The following GEM variants were observed in gnomAD, a reference collection of about 807,000 sequenced individuals.
GEM encodes GTP binding protein overexpressed in skeletal muscle, also known as GTP-binding protein GEM.
GEM carries 31 observed loss-of-function variants against 33.0 expected under a neutral mutation model. The observed-to-expected ratio is 0.94, with a 90% confidence interval of 0.71 to 1.27. The LOEUF (loss-of-function observed/expected upper bound fraction) is 1.27, where lower values mean the gene tolerates loss of function less well. GEM is among the 50% of genes most tolerant of loss of function. The probability of loss-of-function intolerance (pLI) is 0.00; values close to 1 mark genes in which losing one functional copy is unlikely to be tolerated. For missense variants in GEM, 354 were observed against 390.5 expected (o/e 0.91, Z 0.79); for synonymous variants, 141 against 143.7 (o/e 0.98, Z 0.13).
intron 2 of GEM, 106 bp from the exon 3 acceptor site, chr8:94,253,218 C>T: frequency 1.4e-6 from 1 of 690,850 alleles, no homozygotes; most frequent in South Asian, 1.7e-5. Flanking sequence ...ACTAAATATG[C>T]AATTAATTAT....
At chr8:94,261,784 G>A (rs547106277) in intron 1 of GEM, among the ~76,000 whole-genome samples, 2 of 152,020 alleles carry the variant, frequency 1.3e-5, no homozygotes, top group Admixed American at 1.3e-4. Flanking sequence ...CCGGCTACTG[G>A]TGATAAAGTA....
In GEM at chr8:94,260,183, C is replaced by T. The variant is rs201792479; in HGVS notation, c.321G>A (p.Glu107=). Residue 107 remains glutamate (E), a synonymous_variant, in exon 2 of 5, where the codon GAG becomes GAA. Coordinates refer to ENST00000297596, the MANE Select transcript of GEM (RefSeq NM_005261.4). The stretch of plus-strand genomic sequence containing the variant: ...GGCTGGGACACCTACCTCCCAGCAC[C>T]TCGCAGTCGCTGTCCATGCTGTCAT... ...GVHDSMDSDC[E]VLGEDTYERT... The T allele has an allele frequency of 9.4e-6, 15 of 1,587,446 alleles. No individual in the cohort carries two copies. The Admixed American group carries it at 1.0e-4, about 11-fold the overall frequency.
chr8:94,256,166 C>A (rs1335930518), intron 2 of GEM, among the ~76,000 whole-genome samples: 3 of 152,190 alleles, frequency 2.0e-5, no homozygotes, highest in Non-Finnish European at 4.4e-5. Context: ...ATCCCCCTAA[C>A]CTTGACGTCT....
chr8:94,261,080 C>T (rs551417537), intron 1 of GEM, among the ~76,000 whole-genome samples: 2 of 152,300 alleles, frequency 1.3e-5, no homozygotes, highest in South Asian at 2.1e-4. Context: ...ATTGGAACTT[C>T]CATGTTTAGT....
At chr8:94,261,056 C>G (rs1006743579) in intron 1 of GEM, among the ~76,000 whole-genome samples, 1 of 152,218 alleles carries the variant, frequency 6.6e-6, no homozygotes, top group Non-Finnish European at 1.5e-5. Context: ...CCTGGCTGGA[C>G]TGGACAGGCA....
intron 2 of GEM, among the ~76,000 whole-genome samples, chr8:94,255,997 C>T (rs13273830): frequency 0.014 from 2,134 of 152,256 alleles, 26 homozygotes; most frequent in Middle Eastern, 0.027. Context: ...CTTCTCTACC[C>T]GGCCTCTCCC....
rs187593880 is a variant in GEM at position 94,252,043 on chromosome 8, G to A, written c.589C>T (p.Arg197Trp). 46 of 1,613,200 alleles carry A rather than the reference G, an allele frequency of 2.9e-5. No individual in the cohort carries two copies. Among genetic ancestry groups the A allele is most frequent in the Non-Finnish European group, 3.4e-5 (40 of 1,179,178 alleles). Residue 197 changes from arginine (R) to tryptophan (W), a missense_variant, in exon 4 of 5, where the codon CGG (arginine) becomes TGG (tryptophan). Physicochemically the swap from Arg to Trp is moderately radical, Grantham distance 101. Coordinates refer to ENST00000297596, the MANE Select transcript of GEM (RefSeq NM_005261.4). ...CCTGATACAGACACTTCTCGGCACC[G>A]CACTAAGTCACTTTTGTTGCCAACC... ...ILVGNKSDLV[R>W]CREVSVSEGR...
intron 3 of GEM, among the ~76,000 whole-genome samples, chr8:94,252,520 A>G (rs919045963): frequency 6.6e-6 from 1 of 152,150 alleles, no homozygotes; most frequent in African/African-American, 2.4e-5. Context: ...AGCATTTCCA[A>G]TTTCTATTTA....
At chr8:94,255,500 C>T (rs886964726) in intron 2 of GEM, among the ~76,000 whole-genome samples, 2 of 152,162 alleles carry the variant, frequency 1.3e-5, no homozygotes, top group African/African-American at 4.8e-5. Flanking sequence ...CTGTGTGCAC[C>T]AGGACCCTTC....
Position 94,250,030 on chromosome 8 carries a change from TATCCAAA to T in GEM, c.*273_*279del. On this transcript the variant is annotated 3_prime_UTR_variant, in exon 5 of 5. Coordinates refer to ENST00000297596, the MANE Select transcript of GEM (RefSeq NM_005261.4). ...TTCTTTGTAAGCTTTACTTCTCTACTATCCAAAATAGAAGAAACACATGTGAACACCA... is the reference window on the plus strand; with the variant it reads ...TTCTTTGTAAGCTTTACTTCTCTACTATAGAAGAAACACATGTGAACACCA... 5.3e-6 allele frequency: 2 copies of T among 376,392 alleles called. No homozygotes were observed. The highest frequency in any genetic ancestry group is 9.4e-6 in the Non-Finnish European group (2 of 212,696). The allele number at this position is 376,392 out of a possible 1,614,324, so 23.3% of individuals were successfully genotyped here.
intron 2 of GEM, among the ~76,000 whole-genome samples, chr8:94,258,770 ATGAAC>A (rs1808952742): frequency 1.3e-5 from 2 of 152,342 alleles, no homozygotes; most frequent in African/African-American, 4.8e-5. Flanking sequence ...AAATGGTAAA[ATGAAC>A]TGAACTAAGA....
chr8:94,250,722 G>A, intron 4 of GEM, 135 bp from the exon 5 acceptor site: 1 of 611,198 alleles, frequency 1.6e-6, no homozygotes, highest in South Asian at 2.4e-5. Flanking sequence ...CTGCGGCATG[G>A]GCCCTCCCAG....
chr8:94,256,487 T>C (rs1219314232), intron 2 of GEM, among the ~76,000 whole-genome samples: 7 of 152,092 alleles, frequency 4.6e-5, no homozygotes, highest in Non-Finnish European at 1.0e-4. Flanking sequence ...TCAAGTGCTG[T>C]GTGTGTGTGA....
intron 1 of GEM, 49 bp downstream of exon 1, chr8:94,262,041 C>T (rs1809034389): frequency 6.6e-6 from 1 of 152,304 alleles, no homozygotes. Flanking sequence ...AACTAAGGAA[C>T]CTGCTGATGA....
Position 94,252,005 on chromosome 8 carries a change from T to C in GEM, c.613+14A>G. On this transcript the variant is annotated intron_variant, in intron 4 of 4. Transcript: ENST00000297596. ...CAGCGATTGTTTCTACAGTATTGGCTCTGCTCCTCTTACCTGATACAGACA... is the reference window on the plus strand; with the variant it reads ...CAGCGATTGTTTCTACAGTATTGGCCCTGCTCCTCTTACCTGATACAGACA... 1.3e-6 allele frequency: 2 copies of C among 1,594,702 alleles called. No individual in the cohort carries two copies. Among genetic ancestry groups the C allele is most frequent in the Non-Finnish European group, 8.6e-7 (1 of 1,162,266 alleles).
chr8:94,253,077 C>A lies in GEM; in HGVS notation c.367G>T (p.Glu123Ter). ...TCCAGGAGTATAATCGTTGCACTTT[C>A]CCCATCAACCATCAGGGTTCGTTCA... is the stretch of plus-strand genomic sequence containing the variant. ...TYERTLMVDG[E>*]SATIILLDMW... The change falls in exon 3 of 5, where the codon GAA (glutamate) becomes TAA (stop). Residue 123 changes from glutamate to a stop codon, truncating the protein, a stop_gained. Coordinates refer to ENST00000297596, the MANE Select transcript of GEM (RefSeq NM_005261.4). LOFTEE classifies it high-confidence loss of function. 1 of 1,600,598 alleles carries A rather than the reference C, an allele frequency of 6.2e-7. No individual in the cohort carries two copies. Among genetic ancestry groups the A allele is most frequent in the Non-Finnish European group, 8.6e-7 (1 of 1,167,800 alleles).
At chr8:94,258,499 C>T (rs1218898074) in intron 2 of GEM, among the ~76,000 whole-genome samples, 1 of 152,156 alleles carries the variant, frequency 6.6e-6, no homozygotes, top group Non-Finnish European at 1.5e-5. Context: ...AATGTGCTGT[C>T]ATACTTAGTA....
intron 1 of GEM, 85 bp from the exon 2 acceptor site, chr8:94,260,597 T>G (rs760422036): frequency 6.4e-5 from 46 of 722,866 alleles, no homozygotes; most frequent in Non-Finnish European, 9.9e-5. Context: ...ATCAGTAATA[T>G]TTTATTAGAT....
intron 1 of GEM, among the ~76,000 whole-genome samples, 197 bp downstream of exon 1, chr8:94,261,893 C>T (rs952571901): frequency 2.6e-5 from 4 of 152,152 alleles, no homozygotes; most frequent in African/African-American, 9.7e-5. Context: ...ACCAGGACGA[C>T]CAGCCGGTTT....
Sources: gnomAD v4.1 joint callset for allele counts (sites outside exome capture counted in the v4.1 genomes callset) on GRCh38, gnomAD v4.1.1 for gene constraint, MANE v1.5 for transcripts, NCBI Gene and HGNC (gene_info 2026-07-23, HGNC 2026-07-21) for gene names.